The following PDE3A variants were observed in gnomAD, a reference collection of about 807,000 sequenced individuals.
PDE3A encodes cGMP-inhibited 3',5'-cyclic phosphodiesterase 3A.
Under a neutral mutation model 98.3 loss-of-function variants are expected in PDE3A, and 43 were observed. The observed-to-expected ratio is 0.44, with a 90% CI of 0.34 to 0.56. The LOEUF (loss-of-function observed/expected upper bound fraction) is 0.56. PDE3A is among the 20% of genes least tolerant of loss of function. The pLI is 0.01. For missense variants in PDE3A, 1,427 were observed against 1,440.7 expected, an observed-to-expected ratio of 0.99 and a Z score of 0.15; for synonymous variants, 663 against 567.9, an observed-to-expected ratio of 1.17 and a Z score of -2.38.
At position 20,553,293 on chromosome 12, in the gene PDE3A, T is replaced by A. The variant is rs532963138; in HGVS notation, c.961-3367T>A. ...CTCGACAAAACAACACAAGATTTTT[T>A]AAAGATGGAATCAGAAACTACGTGG... On this transcript the variant is annotated intron_variant, in intron 1 of 15. Coordinates refer to ENST00000359062, the MANE Select transcript of PDE3A (RefSeq NM_000921.5). Among the ~76,000 whole-genome samples the A allele has an allele frequency of 1.2e-4, 12 of 96,994 alleles. No individual in the cohort carries two copies. In the East Asian group the frequency reaches 3.3e-3, roughly 27 times the overall value. The allele number at this position is 96,994 out of a possible 152,430, so 63.6% of individuals were successfully genotyped here. A position where few individuals can be genotyped will look rare whatever the true frequency, so the allele number is the denominator to read the frequency against.
intron 1 of PDE3A, among the ~76,000 whole-genome samples, chr12:20,493,518 C>T (rs1394886950): frequency 6.6e-6 from 1 of 152,060 alleles, no homozygotes; most frequent in African/African-American, 2.4e-5. Flanking sequence ...GAGCAAATTC[C>T]CCTGAGATAC....
chr12:20,649,650 G>A (rs1944868887), intron 13 of PDE3A, among the ~76,000 whole-genome samples: 1 of 152,168 alleles, frequency 6.6e-6, no homozygotes, highest in Admixed American at 6.5e-5. Flanking sequence ...ATAAGGCCAA[G>A]CACAATGGCT....
At chr12:20,600,736 G>T (rs970791172) in intron 2 of PDE3A, among the ~76,000 whole-genome samples, 2 of 152,104 alleles carry the variant, frequency 1.3e-5, no homozygotes, top group African/African-American at 4.8e-5. Context: ...TCCAGAATCA[G>T]GTTGTTAAAT....
chr12:20,509,662 G>A (rs1592001550), intron 1 of PDE3A, among the ~76,000 whole-genome samples: 1 of 151,926 alleles, frequency 6.6e-6, no homozygotes. Flanking sequence ...TGAAATTATT[G>A]TAGCCTCTGT....
At chr12:20,516,038 T>A (rs556686947) in intron 1 of PDE3A, among the ~76,000 whole-genome samples, 1 of 152,014 alleles carries the variant, frequency 6.6e-6, no homozygotes, top group Non-Finnish European at 1.5e-5. Flanking sequence ...GGCCTATTTT[T>A]TTTTTTTTCA....
chr12:20,398,951 A>G (rs1252349766), intron 1 of PDE3A, among the ~76,000 whole-genome samples: 3 of 152,160 alleles, frequency 2.0e-5, no homozygotes, highest in Non-Finnish European at 2.9e-5. Flanking sequence ...CTGATACTCT[A>G]TGCACATTTA....
intron 1 of PDE3A, among the ~76,000 whole-genome samples, chr12:20,520,180 G>A (rs1034178444): frequency 6.6e-6 from 1 of 152,054 alleles, no homozygotes; most frequent in Non-Finnish European, 1.5e-5. Flanking sequence ...GATACAAAGA[G>A]AAGCAACTGA....
intron 1 of PDE3A, among the ~76,000 whole-genome samples, chr12:20,448,419 C>T (rs1944998729): frequency 1.3e-5 from 2 of 152,064 alleles, no homozygotes; most frequent in South Asian, 4.1e-4. Flanking sequence ...ACAGCCTGGG[C>T]AACAAGAGCG....
chr12:20,665,342 A>ATT (rs536895684), intron 15 of PDE3A, among the ~76,000 whole-genome samples: 4 of 152,048 alleles, frequency 2.6e-5, no homozygotes, highest in Non-Finnish European at 5.9e-5. Flanking sequence ...TTTGAAATAT[A>ATT]TTTTTTTCTG....
chr12:20,438,939 G>C (rs1200977610), intron 1 of PDE3A, among the ~76,000 whole-genome samples: 1 of 151,812 alleles, frequency 6.6e-6, no homozygotes, highest in African/African-American at 2.4e-5. Flanking sequence ...CTATAGGCAC[G>C]TACCACCACG....
At chr12:20,598,880 A>C (rs564974469) in intron 2 of PDE3A, among the ~76,000 whole-genome samples, 15 of 152,126 alleles carry the variant, frequency 9.9e-5, no homozygotes, top group African/African-American at 3.6e-4. Flanking sequence ...CTTGTTTCCC[A>C]TGTTTATTGT....
At chr12:20,540,667 A>C (rs1565582526) in intron 1 of PDE3A, among the ~76,000 whole-genome samples, 1 of 152,088 alleles carries the variant, frequency 6.6e-6, no homozygotes. Context: ...GTTCATGTTT[A>C]TGGAGAAATT....
At chr12:20,382,508 A>G (rs756067401) in intron 1 of PDE3A, among the ~76,000 whole-genome samples, 3 of 151,894 alleles carry the variant, frequency 2.0e-5, no homozygotes, top group Non-Finnish European at 4.4e-5. Context: ...CTGGATATCA[A>G]TTTCCTCATC....
In PDE3A at chr12:20,629,935, C is replaced by T. The variant is rs759625451; in HGVS notation, c.1568C>T (p.Ser523Leu). The T allele has an allele frequency of 1.4e-5, 22 of 1,613,918 alleles. No individual in the cohort carries two copies. Among genetic ancestry groups the T allele is most frequent in the Non-Finnish European group, 1.9e-5 (22 of 1,179,870 alleles). The change falls in exon 6 of 16, where the codon TCA becomes TTA. Residue 523 changes from serine to leucine, a missense_variant. Around this residue, in one of 3 missense-constraint regions of PDE3A, gnomAD observed 1,012 missense variants for 886.5 expected, o/e 1.14. Transcript: ENST00000359062. ...PGALAKISPL[S>L]SPCSSPLQGT... ...GCCCTCGCTAAAATTTCACCTCTTT[C>T]ATCGCCCTGCTCCTCACCTCTCCAA...
At chr12:20,662,012 G>A (rs1459459784) in intron 15 of PDE3A, among the ~76,000 whole-genome samples, 2 of 152,182 alleles carry the variant, frequency 1.3e-5, no homozygotes, top group Non-Finnish European at 2.9e-5. Flanking sequence ...GCATCCATGA[G>A]GGAGGCTGTA....
intron 4 of PDE3A, among the ~76,000 whole-genome samples, chr12:20,620,515 GA>G (rs926385612): frequency 1.3e-5 from 2 of 152,052 alleles, no homozygotes; most frequent in Non-Finnish European, 2.9e-5. Flanking sequence ...CACATGCAGA[GA>G]AATTTTGTCT....
chr12:20,564,940 C>G (rs1942618214), intron 2 of PDE3A, among the ~76,000 whole-genome samples: 1 of 152,080 alleles, frequency 6.6e-6, no homozygotes, highest in Non-Finnish European at 1.5e-5. Context: ...ATCAAATAAA[C>G]AACCACTGAT....
intron 5 of PDE3A, among the ~76,000 whole-genome samples, chr12:20,627,783 C>T (rs561495579): frequency 6.6e-6 from 1 of 152,162 alleles, no homozygotes; most frequent in African/African-American, 2.4e-5. Flanking sequence ...CTACTCCATC[C>T]GTGGAGCAAG....
At chr12:20,631,700 A>ATTTTTTTTTTTTTTTTTTTTTTT (rs58133440) in intron 6 of PDE3A, among the ~76,000 whole-genome samples, 1 of 116,876 alleles carries the variant, frequency 8.6e-6, no homozygotes, top group African/African-American at 3.0e-5. Context: ...ATCATAGTGT[A>ATTTTTTTTTTTTTTTTTTTTTTT]TTTTTTTTTT....
Sources: allele counts gnomAD v4.1 joint callset (sites outside exome capture counted in the v4.1 genomes callset), GRCh38; gene constraint gnomAD v4.1.1; regional missense constraint gnomAD v4.1.1; transcripts MANE v1.5; gene names NCBI Gene and HGNC (gene_info 2026-07-23, HGNC 2026-07-21).